Variants in CYP7B1 observed in about 807,000 individuals in gnomAD.
CYP7B1 encodes the protein cytochrome P450 family 7 subfamily B member 1.
In CYP7B1, 29 loss-of-function variants were observed where a neutral mutation model predicts 42.7. The ratio of observed to expected loss-of-function variants is 0.68; its 90% confidence interval spans 0.51 to 0.93. The LOEUF (loss-of-function observed/expected upper bound fraction) is 0.93. Ranked by LOEUF, CYP7B1 falls within the 40% of genes least tolerant of loss-of-function variation. The probability of loss-of-function intolerance (pLI) is 0.00; values close to 1 mark genes in which losing one functional copy is unlikely to be tolerated. For synonymous variants in CYP7B1, 235 were observed against 218.2 expected, an observed-to-expected ratio of 1.08 and a Z score of -0.68; for missense variants, 655 against 600.5, an observed-to-expected ratio of 1.09 and a Z score of -0.95.
intron 2 of CYP7B1, 44 bp downstream of exon 2, chr8:64,624,359 A>G: frequency 6.3e-7 from 1 of 1,577,840 alleles, no homozygotes; most frequent in Non-Finnish European, 8.7e-7. Flanking sequence ...AGAACAAGTG[A>G]AAAATGATGA....
At chr8:64,625,942 TTA>T (rs1205188958) in intron 1 of CYP7B1, among the ~76,000 whole-genome samples, 2 of 151,522 alleles carry the variant, frequency 1.3e-5, no homozygotes, top group African/African-American at 4.9e-5. Flanking sequence ...TTGAAGTTTT[TTA>T]AGCCACTTAA....
chr8:64,691,339 G>T (rs1359284801), intron 1 of CYP7B1, among the ~76,000 whole-genome samples: 1 of 151,984 alleles, frequency 6.6e-6, no homozygotes, highest in African/African-American at 2.4e-5. Context: ...AAACCAAATG[G>T]CTACCTACCT....
At chr8:64,611,686 C>T (rs1446206730) in intron 4 of CYP7B1, among the ~76,000 whole-genome samples, 2 of 152,090 alleles carry the variant, frequency 1.3e-5, no homozygotes, top group African/African-American at 2.4e-5. Context: ...TCACCTGGAC[C>T]ATGTTTGCAA....
At chr8:64,736,046 A>G (rs1807482554) in intron 1 of CYP7B1, among the ~76,000 whole-genome samples, 1 of 152,220 alleles carries the variant, frequency 6.6e-6, no homozygotes, top group Non-Finnish European at 1.5e-5. Context: ...TCTTCTGACA[A>G]CATCAAACAA....
intron 1 of CYP7B1, among the ~76,000 whole-genome samples, chr8:64,773,888 T>G (rs1804277950): frequency 6.6e-6 from 1 of 152,210 alleles, no homozygotes. Flanking sequence ...CAGTGACATT[T>G]ATCCATTCAC....
At chr8:64,599,402 AT>A (rs1805166752) in intron 5 of CYP7B1, among the ~76,000 whole-genome samples, 1 of 152,084 alleles carries the variant, frequency 6.6e-6, no homozygotes, top group Non-Finnish European at 1.5e-5. Flanking sequence ...GTTAACCAGG[AT>A]GGTCTTGATC....
chr8:64,778,388 T>C (rs1023079168), intron 1 of CYP7B1, among the ~76,000 whole-genome samples: 1 of 151,854 alleles, frequency 6.6e-6, no homozygotes, highest in African/African-American at 2.4e-5. Flanking sequence ...AAAAGGTCAT[T>C]CAAAATCCAA....
At chr8:64,743,489 A>T (rs958142771) in intron 1 of CYP7B1, among the ~76,000 whole-genome samples, 1 of 152,196 alleles carries the variant, frequency 6.6e-6, no homozygotes, top group Admixed American at 6.5e-5. Flanking sequence ...GGAAGCTAAA[A>T]GTCCAAGATC....
intron 1 of CYP7B1, among the ~76,000 whole-genome samples, chr8:64,713,721 A>C (rs1029000134): frequency 2.0e-5 from 3 of 152,170 alleles, no homozygotes; most frequent in African/African-American, 4.8e-5. Context: ...CCAGTAGGGT[A>C]ATATAAAGCA....
intron 1 of CYP7B1, among the ~76,000 whole-genome samples, chr8:64,657,221 A>G (rs1374409013): frequency 6.6e-6 from 1 of 152,202 alleles, no homozygotes; most frequent in African/African-American, 2.4e-5. Context: ...CGACCTCAGT[A>G]GCTTCACTAT....
chr8:64,625,748 T>C (rs947875947), intron 1 of CYP7B1, among the ~76,000 whole-genome samples: 11 of 152,214 alleles, frequency 7.2e-5, no homozygotes, highest in Admixed American at 3.9e-4. Flanking sequence ...AGTGTTTTTA[T>C]ATGTGTAGAC....
intron 1 of CYP7B1, among the ~76,000 whole-genome samples, chr8:64,739,451 T>C (rs1356254283): frequency 6.6e-6 from 1 of 152,204 alleles, no homozygotes; most frequent in Non-Finnish European, 1.5e-5. Flanking sequence ...CCCTGGCACC[T>C]ACCACTACAT....
rs8192904 is a variant in CYP7B1, at chr8:64,598,469, C to A, written c.1234-1540G>T. ...AGACTGGTCCTCTATCTACCTAACC[C>A]AAATCAGTCTAAGTGAGCTTTGCTA... On this transcript the variant is annotated intron_variant, in intron 5 of 5. Transcript: ENST00000310193. Among the ~76,000 whole-genome samples, 85 of 152,290 alleles carry A rather than the reference C, an allele frequency of 5.6e-4. 1 individual carries two copies. The East Asian group carries it at 0.016, about 28-fold the overall frequency.
Position 64,629,855 on chromosome 8 carries a change from T to C in CYP7B1, c.123-5316A>G, listed in dbSNP as rs546087540. Among the ~76,000 whole-genome samples, 8 of 152,280 alleles carry C rather than the reference T, an allele frequency of 5.3e-5. No homozygotes were observed. In the East Asian group the frequency reaches 9.6e-4, roughly 18 times the overall value. ...TCAGGATATCGGGAAGAGGAGTATCTCAATACAAGGCTGTGGATGGGAGAT... is the reference window on the plus strand; with the variant it reads ...TCAGGATATCGGGAAGAGGAGTATCCCAATACAAGGCTGTGGATGGGAGAT... On this transcript the variant is annotated intron_variant, in intron 1 of 5. Transcript: ENST00000310193.
chr8:64,773,417 G>A (rs1804268377), intron 1 of CYP7B1, among the ~76,000 whole-genome samples: 1 of 152,142 alleles, frequency 6.6e-6, no homozygotes, highest in African/African-American at 2.4e-5. Context: ...ATCAATTGCA[G>A]TTTGAAAAAA....
chr8:64,626,023 G>A (rs1231743357), intron 1 of CYP7B1, among the ~76,000 whole-genome samples: 3 of 152,144 alleles, frequency 2.0e-5, no homozygotes, highest in Non-Finnish European at 2.9e-5. Flanking sequence ...TATTTGTTGT[G>A]AAATTTTTCA....
Position 64,624,493 on chromosome 8 carries a change from C to T in CYP7B1, c.169G>A (p.Gly57Arg), listed in dbSNP as rs121908614. 1.9e-6 allele frequency: 3 copies of T among 1,612,712 alleles called. No homozygotes were observed. The highest frequency in any genetic ancestry group is 2.5e-6 in the Non-Finnish European group (3 of 1,179,804). ...PLIKGWLPYL[G>R]VVLNLRKDPL... is the part of the protein sequence containing the mutation. ...TCTTTTCGTAAGTTCAGGACCACTC[C>T]AAGATAAGGAAGCCAACCTTTTATC... Residue 57 changes from glycine (G) to arginine (R), a missense_variant, in exon 2 of 6, where the codon GGA becomes AGA. Physicochemically the swap from Gly to Arg is moderately radical, Grantham distance 125. Coordinates refer to ENST00000310193, the MANE Select transcript of CYP7B1 (RefSeq NM_004820.5).
At chr8:64,607,725 G>A (rs890458596) in intron 4 of CYP7B1, among the ~76,000 whole-genome samples, 1 of 152,210 alleles carries the variant, frequency 6.6e-6, no homozygotes, top group African/African-American at 2.4e-5. Flanking sequence ...AGTCATTAAT[G>A]CACTTGGCTT....
intron 1 of CYP7B1, among the ~76,000 whole-genome samples, chr8:64,738,273 T>G (rs563724039): frequency 3.9e-5 from 6 of 152,256 alleles, no homozygotes; most frequent in African/African-American, 1.4e-4. Flanking sequence ...CAATAAGCAC[T>G]CCATATATTT....
Sources: allele counts gnomAD v4.1 joint callset (sites outside exome capture counted in the v4.1 genomes callset), GRCh38; gene constraint gnomAD v4.1.1; transcripts MANE v1.5; gene names NCBI Gene and HGNC (gene_info 2026-07-23, HGNC 2026-07-21).